CASR: variants seen among roughly 807,000 people sequenced by gnomAD.
The protein encoded by CASR is extracellular calcium-sensing receptor.
A neutral mutation model predicts 69.1 loss-of-function variants in CASR; 23 were observed. The ratio of observed to expected loss-of-function variants is 0.33; its 90% CI spans 0.24 to 0.47. The LOEUF is 0.47. CASR is among the 20% of genes least tolerant of loss of function. The probability of loss-of-function intolerance (pLI) is 1.00; values close to 1 mark genes in which losing one functional copy is unlikely to be tolerated. For missense variants in CASR, 924 were observed against 1,356.1 expected (o/e 0.68, Z 5.00); for synonymous variants, 541 against 544.7 (o/e 0.99, Z 0.10).
Position 122,261,755 on chromosome 3 carries a change from T to C in CASR, c.720T>C (p.Ser240=). ...AEERDICIDF[S]ELISQYSDEE... is the part of the protein sequence containing the mutation. ...AAAGGGATATCTGCATCGACTTCAG[T>C]GAACTCATCTCCCAGTACTCTGATG... The change falls in exon 4 of 7, where the codon AGT becomes AGC. Residue 240 remains serine, a synonymous_variant. Coordinates refer to ENST00000639785, the MANE Select transcript of CASR (RefSeq NM_000388.4). 1 of 1,614,188 alleles carries C rather than the reference T, an allele frequency of 6.2e-7. No individual in the cohort carries two copies. The highest frequency in any genetic ancestry group is 8.5e-7 in the Non-Finnish European group (1 of 1,180,006).
At chr3:122,244,021 G>T (rs1202110361) in intron 1 of CASR, among the ~76,000 whole-genome samples, 1 of 152,106 alleles carries the variant, frequency 6.6e-6, no homozygotes, top group African/African-American at 2.4e-5. Flanking sequence ...GTTACCAGAG[G>T]CTGGAGAGGG....
At chr3:122,218,595 G>A (rs1233755939) in intron 1 of CASR, among the ~76,000 whole-genome samples, 2 of 124,752 alleles carry the variant, frequency 1.6e-5, no homozygotes, top group Non-Finnish European at 3.4e-5. Context: ...AGATCTGGTG[G>A]TGAACTGGAT....
chr3:122,283,561 C>A, intron 6 of CASR, 126 bp from the exon 7 acceptor site: 1 of 756,424 alleles, frequency 1.3e-6, no homozygotes, highest in Non-Finnish European at 2.3e-6. Context: ...AGAATGATTT[C>A]ATCAAAATGG....
chr3:122,238,180 C>T (rs888085658), intron 1 of CASR, among the ~76,000 whole-genome samples: 1 of 152,210 alleles, frequency 6.6e-6, no homozygotes, highest in African/African-American at 2.4e-5. Context: ...CCTTGAATCG[C>T]TGATACCACC....
At chr3:122,261,010 A>T (rs1433510586) in intron 3 of CASR, among the ~76,000 whole-genome samples, 1 of 152,206 alleles carries the variant, frequency 6.6e-6, no homozygotes, top group East Asian at 1.9e-4. Flanking sequence ...AAGAGCCTTA[A>T]GTTTATAATC....
intron 1 of CASR, among the ~76,000 whole-genome samples, chr3:122,223,370 A>G (rs1236148932): frequency 6.6e-6 from 1 of 152,218 alleles, no homozygotes; most frequent in East Asian, 1.9e-4. Context: ...AAGTGACATT[A>G]CAACCAACCG....
chr3:122,273,220 G>A (rs1034738719), intron 4 of CASR, among the ~76,000 whole-genome samples: 2 of 152,312 alleles, frequency 1.3e-5, no homozygotes, highest in African/African-American at 4.8e-5. Context: ...CATTTGCCAT[G>A]GACACTGTAA....
intron 1 of CASR, among the ~76,000 whole-genome samples, chr3:122,203,641 T>G (rs2073978811): frequency 6.6e-6 from 1 of 152,218 alleles, no homozygotes; most frequent in Admixed American, 6.5e-5. Flanking sequence ...TTGCTCTGGG[T>G]GAGTCAGTGA....
At chr3:122,201,427 G>C (rs984940937) in intron 1 of CASR, among the ~76,000 whole-genome samples, 1 of 152,192 alleles carries the variant, frequency 6.6e-6, no homozygotes, top group South Asian at 2.1e-4. Flanking sequence ...GCAACCATCC[G>C]ATTTCTCAAT....
rs531772389 is a variant in CASR, at chr3:122,290,503, T to A, written c.*5312T>A. 1 of 152,352 alleles carries A rather than the reference T, an allele frequency of 6.6e-6. No homozygotes were observed. The highest frequency in any genetic ancestry group is 2.4e-5 in the African/African-American group (1 of 41,582). 9.4% of individuals were successfully genotyped at this position (152,352 alleles called of 1,614,324 possible). A position where few individuals can be genotyped will look rare whatever the true frequency, so the allele number is the denominator to read the frequency against. The stretch of plus-strand genomic sequence containing the variant: ...TTATAAATTATAAATATACACTCAT[T>A]ATAAATGAAGATTGCTTGGTAATGG... On this transcript the variant is annotated 3_prime_UTR_variant, in exon 7 of 7. Coordinates refer to ENST00000639785, the MANE Select transcript of CASR (RefSeq NM_000388.4).
chr3:122,183,864 T>G (rs1296218284), intron 1 of CASR, 52 bp downstream of exon 1: 3 of 150,116 alleles, frequency 2.0e-5, no homozygotes. Context: ...ATCTCTGGCC[T>G]TATATCAGAA....
intron 1 of CASR, among the ~76,000 whole-genome samples, chr3:122,239,006 G>A (rs1360550977): frequency 6.6e-6 from 1 of 152,124 alleles, no homozygotes; most frequent in Non-Finnish European, 1.5e-5. Context: ...TCCCAGCTGG[G>A]GTGGCAATGG....
At chr3:122,198,910 A>C (rs971773063) in intron 1 of CASR, among the ~76,000 whole-genome samples, 4 of 152,142 alleles carry the variant, frequency 2.6e-5, no homozygotes, top group Non-Finnish European at 4.4e-5. Context: ...TCAGCTTAAG[A>C]AAATTAATTC....
At chr3:122,247,331 T>C (rs891431893) in intron 1 of CASR, 3 of 152,212 alleles carry the variant, frequency 2.0e-5, no homozygotes, top group Admixed American at 2.0e-4. Context: ...TGGGACATCA[T>C]ACTGAAAAAT....
At chr3:122,260,547 A>G (rs764407902) in intron 3 of CASR, among the ~76,000 whole-genome samples, 2 of 152,224 alleles carry the variant, frequency 1.3e-5, no homozygotes, top group African/African-American at 2.4e-5. Context: ...GTGCTTCCCA[A>G]TGGAAGATTC....
chr3:122,273,070 G>C (rs1269933072), intron 4 of CASR, among the ~76,000 whole-genome samples: 1 of 152,172 alleles, frequency 6.6e-6, no homozygotes, highest in Non-Finnish European at 1.5e-5. Context: ...AGTGGACAAA[G>C]GAGAAAAGCA....
chr3:122,194,633 A>T (rs568422702), intron 1 of CASR, among the ~76,000 whole-genome samples: 6 of 152,348 alleles, frequency 3.9e-5, no homozygotes, highest in African/African-American at 1.4e-4. Context: ...AGCTTTTCTC[A>T]TCAATGTTAT....
At chr3:122,195,400 G>A (rs544494868) in intron 1 of CASR, among the ~76,000 whole-genome samples, 5 of 152,232 alleles carry the variant, frequency 3.3e-5, no homozygotes, top group Admixed American at 2.6e-4. Context: ...TTGTTCAAAC[G>A]GGTTTTTTCT....
chr3:122,275,902 T>C lies in CASR; in HGVS notation c.1468T>C (p.Ser490Pro). Residue 490 changes from serine to proline, a missense_variant, in exon 5 of 7, where the codon TCC (serine) becomes CCC (proline). By Grantham distance (74) the Ser-to-Pro change is moderately conservative. This residue lies in a region of CASR where 310 missense variants were observed against 395.7 expected (regional missense o/e 0.78). Transcript: ENST00000639785. ...GTGTGGTGACCTGGTGGGGAACTAT[T>C]CCATCATCAACTGGCACCTCTCCCC... ...DECGDLVGNY[S>P]IINWHLSPED... The C allele has an allele frequency of 1.2e-6, 2 of 1,614,056 alleles. No individual in the cohort carries two copies. The highest frequency in any genetic ancestry group is 1.1e-5 in the South Asian group (1 of 91,074).
Sources: allele counts gnomAD v4.1 joint callset (sites outside exome capture counted in the v4.1 genomes callset), GRCh38; gene constraint gnomAD v4.1.1; regional missense constraint gnomAD v4.1.1; transcripts MANE v1.5; gene names NCBI Gene and HGNC (gene_info 2026-07-23, HGNC 2026-07-21).